Variants in OBI1 observed in about 807,000 individuals in gnomAD.
OBI1 encodes the protein ORC ubiquitin ligase 1.
A neutral mutation model predicts 62.4 loss-of-function variants in OBI1; 59 were observed. That is an observed-to-expected ratio of 0.95 (90% CI 0.77 to 1.17). The LOEUF is 1.17. OBI1 is among the 50% of genes most tolerant of loss of function. OBI1 has a pLI of 0.00. For synonymous variants in OBI1, 302 were observed against 292.8 expected, an observed-to-expected ratio of 1.03 and a Z score of -0.32; for missense variants, 875 against 830.9, an observed-to-expected ratio of 1.05 and a Z score of -0.65.
In OBI1 at chr13:78,633,492, C is replaced by A. The variant is rs556723802; in HGVS notation, c.638+1618G>T. 5.3e-5 allele frequency among the ~76,000 whole-genome samples: 8 copies of A among 152,276 alleles called. No individual in the cohort carries two copies. In the East Asian group the frequency reaches 1.6e-3, roughly 30 times the overall value. On this transcript the variant is annotated intron_variant, in intron 5 of 5. Coordinates refer to ENST00000282003, the MANE Select transcript of OBI1 (RefSeq NM_024546.4). ...AATTTCCATTGTTTGCTTATTCCTG[C>A]ATTGTCTTTTTCCATTAGAAAGAAA...
chr13:78,629,165 C>T (rs946673490), intron 5 of OBI1, among the ~76,000 whole-genome samples: 4 of 152,028 alleles, frequency 2.6e-5, no homozygotes, highest in African/African-American at 9.7e-5. Context: ...CCAAAAGGAG[C>T]TGAGGCATTG....
At chr13:78,622,176 G>C (rs1197903191) in intron 5 of OBI1, among the ~76,000 whole-genome samples, 1 of 152,180 alleles carries the variant, frequency 6.6e-6, no homozygotes, top group Non-Finnish European at 1.5e-5. Context: ...TTGGTCCATG[G>C]CTCATGCCTG....
At chr13:78,619,106 A>AC (rs1875423357) in intron 5 of OBI1, among the ~76,000 whole-genome samples, 2 of 152,118 alleles carry the variant, frequency 1.3e-5, no homozygotes, top group African/African-American at 4.8e-5. Flanking sequence ...ATCTCCTCAG[A>AC]TAAAAAAATC....
intron 5 of OBI1, chr13:78,620,493 G>GA (rs939828865): frequency 7.6e-5 from 27 of 357,310 alleles, no homozygotes; most frequent in African/African-American, 4.6e-4. Context: ...CATTGTGCCA[G>GA]AAAAAACACT....
chr13:78,639,426 C>T lies in OBI1; in HGVS notation c.301-355G>A, dbSNP rs954250708. The stretch of plus-strand genomic sequence containing the variant: ...AAACTAGTTCAACCATCGTGGAAGT[C>T]AGTGTGGCGATTCCTCAGGGATCTA... On this transcript the variant is annotated intron_variant, in intron 3 of 5. Coordinates refer to ENST00000282003, the MANE Select transcript of OBI1 (RefSeq NM_024546.4). Among the ~76,000 whole-genome samples, 8 of 152,152 alleles carry T rather than the reference C, an allele frequency of 5.3e-5. No homozygotes were observed. The South Asian group carries it at 1.7e-3, about 32-fold the overall frequency.
chr13:78,629,806 G>C (rs1021009811), intron 5 of OBI1, among the ~76,000 whole-genome samples: 5 of 152,098 alleles, frequency 3.3e-5, no homozygotes, highest in African/African-American at 1.2e-4. Flanking sequence ...CTTCTGCTTA[G>C]AGTAGAAAGT....
chr13:78,618,545 C>T (rs941904179), intron 5 of OBI1, among the ~76,000 whole-genome samples: 7 of 152,118 alleles, frequency 4.6e-5, no homozygotes, highest in Non-Finnish European at 1.0e-4. Flanking sequence ...AATCCCTGCA[C>T]TCTTATCACT....
intron 5 of OBI1, among the ~76,000 whole-genome samples, chr13:78,624,881 C>A (rs916816743): frequency 7.9e-5 from 12 of 152,190 alleles, no homozygotes; most frequent in African/African-American, 2.7e-4. Context: ...AACTAGTTAG[C>A]CTCCATTTCC....
intron 5 of OBI1, among the ~76,000 whole-genome samples, chr13:78,634,420 G>A (rs7338666): frequency 0.039 from 5,998 of 151,928 alleles, 342 homozygotes; most frequent in African/African-American, 0.13. Flanking sequence ...TCAGCCTCCC[G>A]AGTAGCTGGG....
chr13:78,647,557 C>A (rs1876421622), intron 1 of OBI1, among the ~76,000 whole-genome samples: 1 of 152,240 alleles, frequency 6.6e-6, no homozygotes, highest in South Asian at 2.1e-4. Flanking sequence ...CTTCTCCCCA[C>A]TATCACCCTG....
chr13:78,631,386 G>A (rs1486121133), intron 5 of OBI1, among the ~76,000 whole-genome samples: 2 of 152,044 alleles, frequency 1.3e-5, no homozygotes, highest in African/African-American at 2.4e-5. Context: ...CCTTCTTTAG[G>A]GGTCAGAGAG....
intron 1 of OBI1, among the ~76,000 whole-genome samples, chr13:78,656,721 A>G (rs1337493571): frequency 5.3e-5 from 2 of 37,388 alleles, no homozygotes; most frequent in Non-Finnish European, 9.0e-5. Flanking sequence ...TTCTGCTTCC[A>G]TGGTACCTGG....
chr13:78,646,614 A>C (rs1876391854), intron 1 of OBI1, among the ~76,000 whole-genome samples: 1 of 152,206 alleles, frequency 6.6e-6, no homozygotes, highest in Non-Finnish European at 1.5e-5. Flanking sequence ...AGGAACTGGA[A>C]GACTAGGTCA....
chr13:78,639,166 T>C, intron 3 of OBI1, 95 bp from the exon 4 acceptor site: 1 of 1,295,116 alleles, frequency 7.7e-7, no homozygotes, highest in Non-Finnish European at 1.1e-6. Context: ...AATTTTGTAC[T>C]TAAAATTCTG....
rs763543632 is a variant in OBI1, at chr13:78,659,055, C to G, written c.66G>C (p.Leu22Phe). Residue 22 changes from leucine to phenylalanine, a missense_variant, in exon 1 of 6, where the codon TTG becomes TTC. By Grantham distance (22) the Leu-to-Phe change is conservative. Coordinates refer to ENST00000282003, the MANE Select transcript of OBI1 (RefSeq NM_024546.4). ...LTLPITCHIC[L>F]GKVRQPVICI... ...GCCCACAATCACCCATTACCTTCCC[C>G]AAGCAAATGTGGCACGTGATGGGCA... 19 of 1,613,134 alleles carry G rather than the reference C, an allele frequency of 1.2e-5. No homozygotes were observed. The highest frequency in any genetic ancestry group is 3.3e-5 in the South Asian group (3 of 91,008).
At chr13:78,643,301 T>A (rs780106554) in intron 2 of OBI1, among the ~76,000 whole-genome samples, 2 of 152,044 alleles carry the variant, frequency 1.3e-5, no homozygotes, top group Non-Finnish European at 2.9e-5. Context: ...GACTCCTTGG[T>A]GAAATTCAGC....
At chr13:78,656,740 G>A (rs952862493) in intron 1 of OBI1, among the ~76,000 whole-genome samples, 2 of 115,696 alleles carry the variant, frequency 1.7e-5, no homozygotes, top group East Asian at 2.5e-4. Context: ...GGGGGGGGGG[G>A]GGGAGGAGCC....
At chr13:78,656,814 T>TTTTTTA (rs1876723796) in intron 1 of OBI1, among the ~76,000 whole-genome samples, 1 of 122,234 alleles carries the variant, frequency 8.2e-6, no homozygotes, top group South Asian at 2.6e-4. Flanking sequence ...TTTTTTTTTT[T>TTTTTTA]GAGACAAAGT....
chr13:78,640,705 C>T lies in OBI1; in HGVS notation c.300+1417G>A, dbSNP rs573655608. On this transcript the variant is annotated intron_variant, in intron 3 of 5. Coordinates refer to ENST00000282003, the MANE Select transcript of OBI1 (RefSeq NM_024546.4). ...GTCCCAGCTACTTGAGAGGCTGAGG[C>T]AGGAGAATTGCTTGAACCCAGGAGG... is the stretch of plus-strand genomic sequence containing the variant. 2.0e-5 allele frequency among the ~76,000 whole-genome samples: 3 copies of T among 152,182 alleles called. No homozygotes were observed. The South Asian group carries it at 6.2e-4, about 32-fold the overall frequency.
Sources: gnomAD v4.1 joint callset for allele counts (sites outside exome capture counted in the v4.1 genomes callset) on GRCh38, gnomAD v4.1.1 for gene constraint, MANE v1.5 for transcripts, NCBI Gene and HGNC (gene_info 2026-07-23, HGNC 2026-07-21) for gene names.